The following PCID2 variants were observed in gnomAD, a reference collection of about 807,000 sequenced individuals.
The protein encoded by PCID2 is PCI domain containing 2.
PCID2 carries 41 observed loss-of-function variants against 61.3 expected under a neutral mutation model. The ratio of observed to expected loss-of-function variants is 0.67; its 90% CI spans 0.52 to 0.87. The LOEUF (loss-of-function observed/expected upper bound fraction) is 0.87. Among genes scored for constraint, PCID2 ranks in the 40% least tolerant of loss-of-function variants. PCID2 has a pLI of 0.00. For synonymous variants in PCID2, 187 were observed against 177.8 expected, an observed-to-expected ratio of 1.05 and a Z score of -0.41; for missense variants, 392 against 493.4, an observed-to-expected ratio of 0.79 and a Z score of 1.95.
At chr13:113,191,302 G>C (rs1185470915) in intron 6 of PCID2, among the ~76,000 whole-genome samples, 1 of 151,738 alleles carries the variant, frequency 6.6e-6, no homozygotes, top group African/African-American at 2.4e-5. Context: ...CGGAAGTGTT[G>C]GGATTACAGG....
At chr13:113,187,319 C>T (rs897358994) in intron 7 of PCID2, 1 of 152,228 alleles carries the variant, frequency 6.6e-6, no homozygotes, top group Non-Finnish European at 1.5e-5. Context: ...GGGATCTGCC[C>T]TGTCTTCTGA....
chr13:113,183,967 A>C, intron 9 of PCID2: 1 of 985,244 alleles, frequency 1.0e-6, no homozygotes, highest in Non-Finnish European at 1.2e-6. Flanking sequence ...GTAGGTCATG[A>C]AGTCAGTCGC....
chr13:113,170,465 G>A, the PCID2 span: 6 of 1,611,266 alleles, frequency 3.7e-6, no homozygotes, highest in Non-Finnish European at 3.4e-6. Context: ...GTTATAATAC[G>A]GGAAAATTTT....
the PCID2 span, among the ~76,000 whole-genome samples, chr13:113,168,752 C>T: frequency 5.9e-5 from 9 of 151,786 alleles, no homozygotes; most frequent in East Asian, 1.9e-4. Context: ...TTTTTGAGAC[C>T]GGGTCTCGCC....
the PCID2 span, chr13:113,171,642 T>TC: frequency 1.9e-6 from 3 of 1,614,146 alleles, no homozygotes; most frequent in Non-Finnish European, 2.5e-6. This position sits in a 1 kb window ranked among gnomAD's most constrained non-coding sequence, Gnocchi z 5.1. Context: ...ATAACGCACG[T>TC]CCATGTGCAC....
At chr13:113,207,929 C>G in intron 1 of PCID2, 2 of 1,051,986 alleles carry the variant, frequency 1.9e-6, no homozygotes, top group Non-Finnish European at 3.0e-6. Context: ...CCTGTTACCA[C>G]AGTGCTGGTT....
Position 113,206,954 on chromosome 13 carries a change from C to T in PCID2, c.36+1645G>A, listed in dbSNP as rs117216951. On this transcript the variant is annotated intron_variant, in intron 1 of 13. Coordinates refer to ENST00000337344, the MANE Select transcript of PCID2 (RefSeq NM_001127202.4). ...GAGTCTCAGGTTTGTATCTTTAACC[C>T]AAATCTGTCTGTTTAAACTTCAGTT... Among the ~76,000 whole-genome samples the T allele has an allele frequency of 3.4e-3, 521 of 152,288 alleles. 11 individuals are homozygous for T. In the East Asian group the frequency reaches 0.056, roughly 16 times the overall value.
At chr13:113,207,576 G>A (rs1309356779) in intron 1 of PCID2, among the ~76,000 whole-genome samples, 1 of 152,150 alleles carries the variant, frequency 6.6e-6, no homozygotes, top group Non-Finnish European at 1.5e-5. Context: ...GCAAGTGAAT[G>A]TATACTTTCA....
intron 3 of PCID2, 65 bp from the exon 4 acceptor site, chr13:113,197,308 C>A: frequency 8.8e-7 from 1 of 1,130,464 alleles, no homozygotes; most frequent in South Asian, 1.2e-5. Flanking sequence ...GCAGCCCACA[C>A]AGCTCACTTC....
At chr13:113,170,187 C>T in the PCID2 span, among the ~76,000 whole-genome samples, 2 of 152,040 alleles carry the variant, frequency 1.3e-5, no homozygotes, top group South Asian at 2.1e-4. Flanking sequence ...GGGGAAGTGC[C>T]GGCCCCATTT....
chr13:113,166,961 T>G, the PCID2 span, among the ~76,000 whole-genome samples: 1 of 152,218 alleles, frequency 6.6e-6, no homozygotes, highest in Non-Finnish European at 1.5e-5. Context: ...ACACAGCTGG[T>G]GTGTTTAAGA....
At chr13:113,181,038 T>C in intron 10 of PCID2, 92 bp downstream of exon 10, 1 of 829,198 alleles carries the variant, frequency 1.2e-6, no homozygotes, top group Non-Finnish European at 2.1e-6. Context: ...TGTGATCAAC[T>C]ACAGACTGTC....
chr13:113,165,037 G>A, the PCID2 span: 1 of 1,613,110 alleles, frequency 6.2e-7, no homozygotes, highest in South Asian at 1.1e-5. Context: ...TTCTCATGTT[G>A]CTGCCGCAAA....
intron 4 of PCID2, chr13:113,196,899 T>C: frequency 1.3e-6 from 1 of 765,224 alleles, no homozygotes; most frequent in Non-Finnish European, 2.3e-6. Flanking sequence ...ATATACTTAC[T>C]ACCTTACTAA....
intron 9 of PCID2, among the ~76,000 whole-genome samples, chr13:113,182,270 C>A (rs1183630054): frequency 6.6e-6 from 1 of 152,120 alleles, no homozygotes; most frequent in Non-Finnish European, 1.5e-5. Context: ...CAAAAAACAT[C>A]CAGTCTTGCA....
At chr13:113,170,662 G>A in the PCID2 span, 1 of 670,982 alleles carries the variant, frequency 1.5e-6, no homozygotes, top group Non-Finnish European at 2.7e-6. Flanking sequence ...CAATAAAACT[G>A]AGATACTTAT....
chr13:113,175,896 G>C (rs1485791637), downstream of PCID2, among the ~76,000 whole-genome samples: 1 of 152,210 alleles, frequency 6.6e-6, no homozygotes, highest in East Asian at 1.9e-4. Flanking sequence ...CCTACGTGTG[G>C]AGAGAAACAG....
At chr13:113,173,852 C>T (rs575091811), downstream of PCID2, among the ~76,000 whole-genome samples, 1 of 152,286 alleles carries the variant, frequency 6.6e-6, no homozygotes, top group African/African-American at 2.4e-5. Context: ...GCTTTCTGTA[C>T]ATAATGCTGC....
chr13:113,208,597 A>AC lies in PCID2; in HGVS notation c.36+1dup. The AC allele has an allele frequency of 6.2e-7, 1 of 1,604,916 alleles. No homozygotes were observed. Among genetic ancestry groups the AC allele is most frequent in the Non-Finnish European group, 8.5e-7 (1 of 1,176,250 alleles). ...GCCGCGCGCTCCCCGGCTAGGACCC[A>AC]CCTGCTGCAGGTACTGGTTAATGGT... On this transcript the variant is annotated splice_donor_variant, in intron 1 of 13. Transcript: ENST00000337344. LOFTEE classifies it high-confidence loss of function.
Sources: allele counts gnomAD v4.1 joint callset (sites outside exome capture counted in the v4.1 genomes callset), GRCh38; gene constraint gnomAD v4.1.1; non-coding constraint Gnocchi (gnomAD v3.1); transcripts MANE v1.5; gene names NCBI Gene and HGNC (gene_info 2026-07-23, HGNC 2026-07-21).